The following DAPK1 variants were observed in gnomAD, a reference collection of about 807,000 sequenced individuals.
DAPK1 encodes death associated protein kinase 1.
DAPK1 carries 56 observed loss-of-function variants against 144.9 expected under a neutral mutation model. The ratio of observed to expected loss-of-function variants is 0.39; its 90% CI spans 0.31 to 0.48. The LOEUF is 0.48. DAPK1 is among the 20% of genes least tolerant of loss of function. The pLI is 0.95. For missense variants in DAPK1, 1,454 were observed against 1,875.4 expected (o/e 0.78, Z 4.15); for synonymous variants, 690 against 749.0 (o/e 0.92, Z 1.29).
chr9:87,648,607 C>T (rs1830342118), intron 14 of DAPK1, 174 bp from the exon 15 acceptor site: 7 of 599,674 alleles, frequency 1.2e-5, no homozygotes, highest in Non-Finnish European at 2.1e-5. Flanking sequence ...GTGGTGGACA[C>T]CCCAACCTCA....
At chr9:87,508,908 A>G (rs1281115360) in intron 2 of DAPK1, among the ~76,000 whole-genome samples, 1 of 152,246 alleles carries the variant, frequency 6.6e-6, no homozygotes, top group Non-Finnish European at 1.5e-5. Context: ...ACCATGGGAC[A>G]GGCAGAGAGA....
chr9:87,643,559 C>A, intron 11 of DAPK1, 91 bp downstream of exon 11: 1 of 874,162 alleles, frequency 1.1e-6, no homozygotes. Flanking sequence ...TCCCAGGAAC[C>A]TGAAGTTGTG....
chr9:87,571,480 C>CCA (rs1403000417), intron 2 of DAPK1, among the ~76,000 whole-genome samples: 1 of 61,062 alleles, frequency 1.6e-5, no homozygotes, highest in South Asian at 8.2e-4. Flanking sequence ...CACACCAACA[C>CCA]ACACACACAC....
chr9:87,555,074 G>A (rs1012171694), intron 2 of DAPK1, among the ~76,000 whole-genome samples: 1 of 152,220 alleles, frequency 6.6e-6, no homozygotes, highest in African/African-American at 2.4e-5. Flanking sequence ...CTGTGTGGGT[G>A]TGCACCAGGG....
At chr9:87,606,452 C>T (rs190187172) in intron 3 of DAPK1, among the ~76,000 whole-genome samples, 281 of 151,134 alleles carry the variant, frequency 1.9e-3, no homozygotes, top group Non-Finnish European at 3.1e-3. Context: ...TCCCTCCCTC[C>T]CTTCCTTCCT....
intron 2 of DAPK1, among the ~76,000 whole-genome samples, chr9:87,602,904 CT>C (rs1828576823): frequency 6.6e-6 from 1 of 150,758 alleles, no homozygotes. Flanking sequence ...AGCGGTTTTT[CT>C]TTCTCTGTCT....
At chr9:87,570,145 T>C (rs1827276723) in intron 2 of DAPK1, among the ~76,000 whole-genome samples, 1 of 152,226 alleles carries the variant, frequency 6.6e-6, no homozygotes, top group Non-Finnish European at 1.5e-5. Context: ...TTATGTTAGT[T>C]GCAGTCCAGG....
intron 3 of DAPK1, among the ~76,000 whole-genome samples, chr9:87,607,826 G>A (rs1476698768): frequency 6.6e-6 from 1 of 152,106 alleles, no homozygotes; most frequent in Non-Finnish European, 1.5e-5. Flanking sequence ...CTTCATCACT[G>A]TTTGTATTAG....
Position 87,658,130 on chromosome 9 carries a change from G to A in DAPK1, c.1923+3G>A. 8.1e-7 allele frequency: 1 copy of A among 1,240,750 alleles called. No individual in the cohort carries two copies. Among genetic ancestry groups the A allele is most frequent in the Non-Finnish European group, 1.2e-6 (1 of 842,548 alleles). 76.9% of individuals were successfully genotyped at this position (1,240,750 alleles called of 1,614,324 possible). ...CCAGCGTTGAGGCGCTGACCACGGT[G>A]AGTGCCCACAGGGCTTCGTGAAGGA... On this transcript the variant is annotated splice_donor_region_variant and intron_variant, in intron 18 of 25. Transcript: ENST00000408954.
chr9:87,668,910 G>T (rs1831156821), intron 19 of DAPK1: 1 of 491,070 alleles, frequency 2.0e-6, no homozygotes, highest in African/African-American at 1.9e-5. Flanking sequence ...TGCCGTGCCT[G>T]GTTTTCCTTC....
In DAPK1 at chr9:87,697,211, T is replaced by C. The variant is rs373826426; in HGVS notation, c.2611+7T>C. ...CCAGTTGAAGAACCCATAGGTGAGCTAAGTCCCTGCAGGCCAGTGATGTCC... is the reference window on the plus strand; with the variant it reads ...CCAGTTGAAGAACCCATAGGTGAGCCAAGTCCCTGCAGGCCAGTGATGTCC... On this transcript the variant is annotated splice_region_variant and intron_variant, in intron 22 of 25. Transcript: ENST00000408954. 7.2e-6 allele frequency: 10 copies of C among 1,390,174 alleles called. No homozygotes were observed. The highest frequency in any genetic ancestry group is 2.8e-5 in the African/African-American group (2 of 70,562). The allele number at this position is 1,390,174 out of a possible 1,614,324, so 86.1% of individuals were successfully genotyped here. A position where few individuals can be genotyped will look rare whatever the true frequency, so the allele number is the denominator to read the frequency against.
At chr9:87,556,100 A>G (rs1826703745) in intron 2 of DAPK1, among the ~76,000 whole-genome samples, 1 of 152,160 alleles carries the variant, frequency 6.6e-6, no homozygotes, top group Non-Finnish European at 1.5e-5. Context: ...TTGTATTCTA[A>G]TCTCCGTCAC....
At chr9:87,617,788 C>T (rs183449064) in intron 3 of DAPK1, among the ~76,000 whole-genome samples, 28 of 152,272 alleles carry the variant, frequency 1.8e-4, no homozygotes, top group South Asian at 1.2e-3. Context: ...TCCCCAGGTA[C>T]CTCAACTTCA....
At chr9:87,627,143 G>T (rs1829518577) in intron 3 of DAPK1, among the ~76,000 whole-genome samples, 1 of 152,282 alleles carries the variant, frequency 6.6e-6, no homozygotes, top group South Asian at 2.1e-4. Context: ...CAGCAGGTTG[G>T]CCATGGGGAG....
In DAPK1 at chr9:87,605,183, C is replaced by T. The variant is rs1587760893; in HGVS notation, c.284+8C>T. ...CATCCTGATCTTGGAACTGTGAGTG[C>T]CGCCTGGGCCAGGCTGGGGAGAGGG... On this transcript the variant is annotated splice_region_variant and intron_variant, in intron 3 of 25. Transcript: ENST00000408954. 6.2e-7 allele frequency: 1 copy of T among 1,607,056 alleles called. No individual in the cohort carries two copies. The highest frequency in any genetic ancestry group is 8.5e-7 in the Non-Finnish European group (1 of 1,173,958).
Position 87,605,051 on chromosome 9 carries a change from CG to C in DAPK1, c.164del (p.Gly55ValfsTer2). ...IKKRRTKSSR[R>X]GVSREDIERE... ...GAAAAGGAGGACTAAGTCCAGCCGGCGGGGTGTGAGCCGCGAGGACATCGAG... is the reference window on the plus strand; with the variant it reads ...GAAAAGGAGGACTAAGTCCAGCCGGCGGGTGTGAGCCGCGAGGACATCGAG... On this transcript the variant is annotated frameshift_variant, in exon 3 of 26. Transcript: ENST00000408954. 1 of 1,614,180 alleles carries C rather than the reference CG, an allele frequency of 6.2e-7. No homozygotes were observed. Among genetic ancestry groups the C allele is most frequent in the Non-Finnish European group, 8.5e-7 (1 of 1,180,028 alleles).
rs755682253 is a variant in DAPK1 at position 87,640,416 on chromosome 9, G to T, written c.748G>T (p.Asp250Tyr). ...CAGTAATACCAGTGCCCTAGCCAAA[G>T]ATTTCATAAGAAGACTTCTGGTCAA... is the stretch of plus-strand genomic sequence containing the variant. ...YFSNTSALAK[D>Y]FIRRLLVKDP... Residue 250 changes from aspartate (D) to tyrosine (Y), a missense_variant, in exon 8 of 26, where the codon GAT becomes TAT. By Grantham distance (160) the Asp-to-Tyr change is radical. Transcript: ENST00000408954. 1 of 1,614,060 alleles carries T rather than the reference G, an allele frequency of 6.2e-7. No homozygotes were observed. The highest frequency in any genetic ancestry group is 1.3e-5 in the African/African-American group (1 of 74,948).
In DAPK1 at chr9:87,603,439, G is replaced by A. The variant is rs36207157; in HGVS notation, c.63-1515G>A. Among the ~76,000 whole-genome samples, 1,341 of 152,254 alleles carry A rather than the reference G, an allele frequency of 8.8e-3. 20 individuals carry two copies. The highest frequency in any genetic ancestry group is 0.031 in the African/African-American group (1,269 of 41,546). On this transcript the variant is annotated intron_variant, in intron 2 of 25. Transcript: ENST00000408954. Reference sequence around the variant, plus strand: ...AGCTATCCTGCTGCAGGGACAAAGCGGGTATTAACAACCTGTCATGCAAAA... The same window carrying A: ...AGCTATCCTGCTGCAGGGACAAAGCAGGTATTAACAACCTGTCATGCAAAA...
At chr9:87,523,180 C>T (rs1337809204) in intron 2 of DAPK1, among the ~76,000 whole-genome samples, 1 of 152,174 alleles carries the variant, frequency 6.6e-6, no homozygotes, top group Non-Finnish European at 1.5e-5. Flanking sequence ...TCACCACTAT[C>T]CATCTCCAGA....
Sources: gnomAD v4.1 joint callset for allele counts (sites outside exome capture counted in the v4.1 genomes callset) on GRCh38, gnomAD v4.1.1 for gene constraint, MANE v1.5 for transcripts, NCBI Gene and HGNC (gene_info 2026-07-23, HGNC 2026-07-21) for gene names.